The following NCL variants were observed in gnomAD, a reference collection of about 807,000 sequenced individuals.
The protein encoded by NCL is nucleolin multifunctional protein.
Under a neutral mutation model 77.7 loss-of-function variants are expected in NCL, and 4 were observed. The ratio of observed to expected loss-of-function variants is 0.05; its 90% CI spans 0.03 to 0.12. The LOEUF is 0.12. NCL is among the 10% of genes least tolerant of loss of function. NCL has a pLI of 1.00. For synonymous variants in NCL, 344 were observed against 297.8 expected, an observed-to-expected ratio of 1.16 and a Z score of -1.60; for missense variants, 763 against 860.9, an observed-to-expected ratio of 0.89 and a Z score of 1.42.
In NCL at chr2:231,461,686, T is replaced by C; in HGVS notation, c.467A>G (p.Asp156Gly). The part of the protein sequence containing the change: ...DEEEDDDSEE[D>G]EEDDEDEDED... ...ATCCTCGTCCTCGTCATCCTCCTCA[T>C]CCTCCTCACTGTCATCATCCTCCTC... The change falls in exon 3 of 14, where the codon GAT becomes GGT. Residue 156 changes from aspartate to glycine, a missense_variant. Asp to Gly is a moderately conservative substitution (Grantham distance 94). Transcript: ENST00000322723. 3 of 1,613,150 alleles carry C rather than the reference T, an allele frequency of 1.9e-6. No homozygotes were observed. Among genetic ancestry groups the C allele is most frequent in the Non-Finnish European group, 2.5e-6 (3 of 1,179,096 alleles).
chr2:231,462,610 T>G (rs747691530), intron 2 of NCL: 31 of 503,946 alleles, frequency 6.2e-5, no homozygotes, highest in Non-Finnish European at 1.2e-4. Context: ...AGGCAATGTG[T>G]GGAAGAGTAA....
intron 6 of NCL, 99 bp downstream of exon 6, chr2:231,460,053 A>G (rs1196718119): frequency 7.8e-6 from 10 of 1,285,080 alleles, no homozygotes; most frequent in Non-Finnish European, 1.1e-5. Context: ...TGTTTACAGT[A>G]TTCATGTTTA....
At chr2:231,455,866 G>GACAGAAGGTAAAAT in intron 12 of NCL, 144 bp downstream of exon 12, 7 of 1,359,636 alleles carry the variant, frequency 5.1e-6, no homozygotes, top group Non-Finnish European at 7.3e-6. Context: ...CTAGTTCTGT[G>GACAGAAGGTAAAAT]AATTCTCTCT....
At chr2:231,460,446 T>C (rs1355066845) in intron 5 of NCL, 32 bp downstream of exon 5, 2 of 1,601,318 alleles carry the variant, frequency 1.2e-6, no homozygotes, top group Admixed American at 3.3e-5. Context: ...GTGCTGTTTA[T>C]CTCCCCCATA....
chr2:231,460,051 G>A (rs962134309), intron 6 of NCL, 101 bp downstream of exon 6: 64 of 1,271,984 alleles, frequency 5.0e-5, no homozygotes, highest in Non-Finnish European at 6.3e-5. Flanking sequence ...GATGTTTACA[G>A]TATTCATGTT....
intron 7 of NCL, chr2:231,458,597 C>CT: frequency 1.6e-6 from 1 of 633,686 alleles, no homozygotes; most frequent in Non-Finnish European, 2.6e-6. Context: ...GTCAAACTCT[C>CT]TGTTAGGTAC....
Position 231,464,377 on chromosome 2 carries a change from A to G in NCL, c.-24T>C, listed in dbSNP as rs759940907. 8.1e-6 allele frequency: 13 copies of G among 1,599,732 alleles called. No individual in the cohort carries two copies. Among genetic ancestry groups the G allele is most frequent in the African/African-American group, 2.7e-5 (2 of 74,582 alleles). The stretch of plus-strand genomic sequence containing the variant: ...ATGATGGCGGCGGAGTGTGAAGCGG[A>G]CAAGTGGCGCAGATGAGTCCAGAAG... On this transcript the variant is annotated 5_prime_UTR_variant, in exon 1 of 14. Coordinates refer to ENST00000322723, the MANE Select transcript of NCL (RefSeq NM_005381.3).
At chr2:231,462,932 A>C (rs1269061498) in intron 2 of NCL, 3 of 403,850 alleles carry the variant, frequency 7.4e-6, no homozygotes, top group African/African-American at 2.1e-5. Context: ...GAAACTGGAA[A>C]AATGTAATGA....
rs763304685 is a variant in NCL at position 231,461,800 on chromosome 2, A to G, written c.353T>C (p.Leu118Ser). 6.2e-7 allele frequency: 1 copy of G among 1,614,146 alleles called. No individual in the cohort carries two copies. The highest frequency in any genetic ancestry group is 8.5e-7 in the Non-Finnish European group (1 of 1,180,006). Reference sequence around the variant, plus strand: ...ACCCTTCTTACCAGGAGTTGCTACCAATGCTTTGCCTGGTGTGGCTCCCTT... The same window carrying G: ...ACCCTTCTTACCAGGAGTTGCTACCGATGCTTTGCCTGGTGTGGCTCCCTT... ...GKKGATPGKA[L>S]VATPGKKGAA... Residue 118 changes from leucine (L) to serine (S), a missense_variant, in exon 3 of 14, where the codon TTG becomes TCG. Transcript: ENST00000322723.
Position 231,458,256 on chromosome 2 carries a change from C to T in NCL, c.1289+10G>A, listed in dbSNP as rs777154141. 1 of 1,607,336 alleles carries T rather than the reference C, an allele frequency of 6.2e-7. No individual in the cohort carries two copies. The highest frequency in any genetic ancestry group is 1.1e-5 in the South Asian group (1 of 89,246). On this transcript the variant is annotated intron_variant, in intron 8 of 13. Transcript: ENST00000322723. The stretch of plus-strand genomic sequence containing the variant: ...AATAAAACCCTTACATTTCAATAGA[C>T]AGAACATACCCTTTACTTTTCCCAT...
intron 8 of NCL, 41 bp from the exon 9 acceptor site, chr2:231,457,841 A>G (rs1420752308): frequency 1.3e-6 from 2 of 1,533,474 alleles, no homozygotes; most frequent in East Asian, 2.3e-5. Context: ...TTAAAACCAT[A>G]TTAACACAAA....
At chr2:231,460,895 G>C in intron 3 of NCL, 29 bp from the exon 4 acceptor site, 9 of 1,563,038 alleles carry the variant, frequency 5.8e-6, no homozygotes, top group Non-Finnish European at 7.9e-6. Flanking sequence ...AAAAATTGCA[G>C]CAATCTCCCA....
At position 231,463,287 on chromosome 2, in the gene NCL, T is replaced by G; in HGVS notation, c.48A>C (p.Lys16Asn). 2 of 1,611,874 alleles carry G rather than the reference T, an allele frequency of 1.2e-6. No homozygotes were observed. The highest frequency in any genetic ancestry group is 2.7e-5 in the African/African-American group (2 of 74,930). ...KAGKNQGDPK[K>N]MAPPPKEVEE... ...CTACCTCCTTTGGAGGAGGAGCCAT[T>G]TTCTTGGGGTCACCTTGATTTTTAC... Residue 16 changes from lysine to asparagine, a missense_variant, in exon 2 of 14, where the codon AAA becomes AAC. Physicochemically the swap from Lys to Asn is moderately conservative, Grantham distance 94. Transcript: ENST00000322723.
chr2:231,455,111 GCT>G lies in NCL; in HGVS notation c.*78_*79del, dbSNP rs1011597366. 10 of 1,474,090 alleles carry G rather than the reference GCT, an allele frequency of 6.8e-6. No individual in the cohort carries two copies. The African/African-American group carries it at 6.9e-5, about 10-fold the overall frequency. The allele number at this position is 1,474,090 out of a possible 1,614,324, so 91.3% of individuals were successfully genotyped here. Reference sequence around the variant, plus strand: ...TACTGTCTTGGAATGTCCTCAGAAGGCTCTGTCATTGATCAGGTAACAGTAAA... The same window carrying G: ...TACTGTCTTGGAATGTCCTCAGAAGGCTGTCATTGATCAGGTAACAGTAAA... On this transcript the variant is annotated 3_prime_UTR_variant, in exon 14 of 14. Coordinates refer to ENST00000322723, the MANE Select transcript of NCL (RefSeq NM_005381.3).
At chr2:231,461,286 TAA>T (rs34075637) in intron 3 of NCL, among the ~76,000 whole-genome samples, 2 of 144,506 alleles carry the variant, frequency 1.4e-5, no homozygotes, top group African/African-American at 2.5e-5. Flanking sequence ...CAAAAAAATT[TAA>T]AAAAAAAAAA....
At chr2:231,455,339 T>G in intron 13 of NCL, 62 bp downstream of exon 13, 1 of 1,613,640 alleles carries the variant, frequency 6.2e-7, no homozygotes, top group Non-Finnish European at 8.5e-7. Flanking sequence ...TTAGGAACCG[T>G]GACAGGGCAC....
intron 2 of NCL, chr2:231,462,470 T>C: frequency 2.2e-6 from 1 of 457,908 alleles, no homozygotes; most frequent in Non-Finnish European, 4.4e-6. Flanking sequence ...GCTCAATTCT[T>C]AGGACCTGAG....
chr2:231,459,880 C>T (rs762881984), intron 6 of NCL, among the ~76,000 whole-genome samples: 4 of 151,978 alleles, frequency 2.6e-5, no homozygotes, highest in Admixed American at 2.0e-4. Context: ...GTACTCCAGC[C>T]TGAGCAAAAG....
chr2:231,458,870 A>AT, intron 7 of NCL, 131 bp downstream of exon 7: 1 of 1,025,140 alleles, frequency 9.8e-7, no homozygotes, highest in Non-Finnish European at 1.3e-6. Context: ...TAATTCCCAC[A>AT]TTAAGAGGAA....
Sources: gnomAD v4.1 joint callset for allele counts (sites outside exome capture counted in the v4.1 genomes callset) on GRCh38, gnomAD v4.1.1 for gene constraint, MANE v1.5 for transcripts, NCBI Gene and HGNC (gene_info 2026-07-23, HGNC 2026-07-21) for gene names.